The following TMTC1 variants were observed in gnomAD, a reference collection of about 807,000 sequenced individuals.
TMTC1 encodes the protein protein O-mannosyl-transferase TMTC1.
In TMTC1, 73 loss-of-function variants were observed where a neutral mutation model predicts 104.8. That is an observed-to-expected ratio of 0.70 (90% confidence interval 0.58 to 0.85). The LOEUF is 0.85. Among genes scored for constraint, TMTC1 ranks in the 40% least tolerant of loss-of-function variants. TMTC1 has a pLI of 0.00. For synonymous variants in TMTC1, 434 were observed against 428.7 expected, an observed-to-expected ratio of 1.01 and a Z score of -0.15; for missense variants, 1,035 against 1,096.1, an observed-to-expected ratio of 0.94 and a Z score of 0.79.
At chr12:29,739,754 G>A (rs2136940062) in intron 5 of TMTC1, among the ~76,000 whole-genome samples, 1 of 152,084 alleles carries the variant, frequency 6.6e-6, no homozygotes, top group East Asian at 1.9e-4. Flanking sequence ...TGTTGCCCAG[G>A]CTGGAGTGCA....
chr12:29,534,193 T>A (rs1175538769), intron 11 of TMTC1: 3 of 152,264 alleles, frequency 2.0e-5, no homozygotes, highest in Non-Finnish European at 1.5e-5. Flanking sequence ...TAACAGTTTG[T>A]GTCTTGCTTG....
intron 6 of TMTC1, among the ~76,000 whole-genome samples, chr12:29,615,536 T>G (rs1293340965): frequency 1.3e-5 from 2 of 152,198 alleles, no homozygotes; most frequent in African/African-American, 4.8e-5. Flanking sequence ...CTGCCACTTA[T>G]TAATAATATA....
intron 5 of TMTC1, among the ~76,000 whole-genome samples, chr12:29,684,576 G>A: frequency 6.6e-6 from 1 of 152,088 alleles, no homozygotes; most frequent in Admixed American, 6.5e-5. Context: ...GTCATCAGGA[G>A]CTTTTTATTT....
chr12:29,747,101 G>T (rs560020360), intron 5 of TMTC1, among the ~76,000 whole-genome samples: 1 of 152,132 alleles, frequency 6.6e-6, no homozygotes, highest in Non-Finnish European at 1.5e-5. Context: ...ATTTAAATAT[G>T]AAACCAATCA....
chr12:29,668,010 A>G (rs1940349048), intron 5 of TMTC1, among the ~76,000 whole-genome samples: 1 of 152,198 alleles, frequency 6.6e-6, no homozygotes, highest in South Asian at 2.1e-4. Context: ...AATCCAAATC[A>G]AGCATTCACT....
chr12:29,618,149 T>C (rs571286801), intron 6 of TMTC1, among the ~76,000 whole-genome samples: 5 of 152,170 alleles, frequency 3.3e-5, no homozygotes, highest in African/African-American at 1.2e-4. Context: ...TCTTGATGGA[T>C]GAGATATGAA....
At chr12:29,763,550 AAG>A (rs1943398761) in intron 2 of TMTC1, among the ~76,000 whole-genome samples, 1 of 152,220 alleles carries the variant, frequency 6.6e-6, no homozygotes. Context: ...AATCAGCCTC[AAG>A]GAGTTTAACA....
chr12:29,708,946 G>A (rs1941826118), intron 5 of TMTC1, among the ~76,000 whole-genome samples: 1 of 152,110 alleles, frequency 6.6e-6, no homozygotes, highest in Admixed American at 6.5e-5. Context: ...AAACATAGGA[G>A]TATAAGAAAA....
At chr12:29,781,674 T>A (rs1032517910) in intron 1 of TMTC1, among the ~76,000 whole-genome samples, 1 of 151,988 alleles carries the variant, frequency 6.6e-6, no homozygotes, top group Non-Finnish European at 1.5e-5. Context: ...AAAAAAATTT[T>A]AAAATATATC....
chr12:29,769,787 T>C (rs1483142428), intron 1 of TMTC1, among the ~76,000 whole-genome samples: 2 of 152,130 alleles, frequency 1.3e-5, no homozygotes, highest in Non-Finnish European at 2.9e-5. Context: ...GGTGTCCAAG[T>C]TGGAAGGTCT....
chr12:29,627,135 G>A (rs1938042772), intron 6 of TMTC1, among the ~76,000 whole-genome samples: 1 of 152,042 alleles, frequency 6.6e-6, no homozygotes, highest in South Asian at 2.1e-4. Flanking sequence ...AAAAACTTTT[G>A]TGCATCAAAG....
At chr12:29,722,040 A>C (rs1017790564) in intron 5 of TMTC1, among the ~76,000 whole-genome samples, 1 of 152,150 alleles carries the variant, frequency 6.6e-6, no homozygotes, top group African/African-American at 2.4e-5. Flanking sequence ...TTTTGTTTCA[A>C]TATCACGTCA....
At chr12:29,721,393 C>T (rs966493161) in intron 5 of TMTC1, among the ~76,000 whole-genome samples, 3 of 152,060 alleles carry the variant, frequency 2.0e-5, no homozygotes, top group African/African-American at 4.8e-5. Flanking sequence ...CAGCCAAACA[C>T]TAACCCAAAG....
At chr12:29,570,453 C>CA (rs879895699) in intron 9 of TMTC1, among the ~76,000 whole-genome samples, 1 of 152,162 alleles carries the variant, frequency 6.6e-6, no homozygotes, top group African/African-American at 2.4e-5. Flanking sequence ...ACTTCTTCAA[C>CA]AAAAAGCTTT....
intron 5 of TMTC1, among the ~76,000 whole-genome samples, chr12:29,643,857 TTA>T (rs1177294096): frequency 2.8e-4 from 23 of 81,810 alleles, no homozygotes; most frequent in African/African-American, 3.4e-4. Context: ...TTATATATAT[TTA>T]TATATATTTT....
At chr12:29,702,716 G>A (rs1941631097) in intron 5 of TMTC1, among the ~76,000 whole-genome samples, 2 of 152,244 alleles carry the variant, frequency 1.3e-5, no homozygotes, top group South Asian at 2.1e-4. Flanking sequence ...TGAGTATGCC[G>A]GCCACTCCGT....
intron 7 of TMTC1, among the ~76,000 whole-genome samples, chr12:29,597,671 A>G (rs1946447931): frequency 6.6e-6 from 1 of 152,140 alleles, no homozygotes; most frequent in South Asian, 2.1e-4. Context: ...TTTAAGAGGA[A>G]AAAAGCACCC....
At chr12:29,568,651 A>T (rs966750382) in intron 9 of TMTC1, 4 of 189,346 alleles carry the variant, frequency 2.1e-5, no homozygotes, top group African/African-American at 9.2e-5. Context: ...GCGTTTGCTT[A>T]ATTTGTTTTA....
chr12:29,688,378 T>C (rs1016045411), intron 5 of TMTC1, among the ~76,000 whole-genome samples: 15 of 152,354 alleles, frequency 9.8e-5, no homozygotes, highest in Non-Finnish European at 1.9e-4. Context: ...TTTGCTGCCA[T>C]TGTGATTCTA....
Sources: gnomAD v4.1 joint callset for allele counts (sites outside exome capture counted in the v4.1 genomes callset) on GRCh38, gnomAD v4.1.1 for gene constraint, MANE v1.5 for transcripts, NCBI Gene and HGNC (gene_info 2026-07-23, HGNC 2026-07-21) for gene names.